Variants in SCAPER observed in about 807,000 individuals in gnomAD.
SCAPER encodes the protein S phase cyclin A-associated protein in the endoplasmic reticulum.
A neutral mutation model predicts 182.2 loss-of-function variants in SCAPER; 98 were observed. The ratio of observed to expected loss-of-function variants is 0.54; its 90% CI spans 0.46 to 0.64. The LOEUF (loss-of-function observed/expected upper bound fraction) is 0.64, where lower values mean the gene tolerates loss of function less well. Among genes scored for constraint, SCAPER ranks in the 30% least tolerant of loss-of-function variants. SCAPER has a pLI of 0.00. For missense variants in SCAPER, 1,432 were observed against 1,690.0 expected (o/e 0.85, Z 2.68); for synonymous variants, 605 against 564.6 (o/e 1.07, Z -1.01).
intron 17 of SCAPER, among the ~76,000 whole-genome samples, chr15:76,708,662 T>C (rs564858895): frequency 4.0e-5 from 6 of 151,814 alleles, no homozygotes; most frequent in Non-Finnish European, 7.4e-5. Flanking sequence ...AAACACAACA[T>C]AGAAATGCAA....
In SCAPER at chr15:76,594,809, C is replaced by T. The variant is rs1295374640; in HGVS notation, c.2712-20525G>A. Among the ~76,000 whole-genome samples the T allele has an allele frequency of 3.3e-5, 4 of 121,236 alleles. 1 individual carries two copies. The East Asian group carries it at 6.6e-4, about 20-fold the overall frequency. The allele number at this position is 121,236 out of a possible 152,430, so 79.5% of individuals were successfully genotyped here. A position where few individuals can be genotyped will look rare whatever the true frequency, so the allele number is the denominator to read the frequency against. ...TTTTGTCACCACCAGGCCTGCCTTA[C>T]AAGAGCTCCTGAAGGAAGAACTAAA... On this transcript the variant is annotated intron_variant, in intron 22 of 31. Transcript: ENST00000563290.
chr15:76,518,863 A>G (rs1331388838), intron 23 of SCAPER, among the ~76,000 whole-genome samples: 1 of 152,232 alleles, frequency 6.6e-6, no homozygotes, highest in Admixed American at 6.5e-5. Context: ...AACAGTGTGA[A>G]AACTTTTTTC....
chr15:76,590,614 T>C (rs1362675607), intron 22 of SCAPER, among the ~76,000 whole-genome samples: 5 of 152,198 alleles, frequency 3.3e-5, no homozygotes, highest in Non-Finnish European at 5.9e-5. Context: ...ACAACCTCTA[T>C]GGAAAACAGA....
At chr15:76,767,120 A>C in intron 10 of SCAPER, 32 bp from the exon 11 acceptor site, 1 of 1,519,656 alleles carries the variant, frequency 6.6e-7, no homozygotes, top group Non-Finnish European at 8.8e-7. Context: ...AACAAAAAGA[A>C]AAATGATCAC....
chr15:76,708,793 C>T (rs1217025087), intron 17 of SCAPER, among the ~76,000 whole-genome samples: 5 of 152,112 alleles, frequency 3.3e-5, no homozygotes, highest in Non-Finnish European at 4.4e-5. Context: ...AGGCTGGGCA[C>T]GATGACTCAC....
chr15:76,625,070 T>A (rs1260514900), intron 21 of SCAPER, among the ~76,000 whole-genome samples: 4 of 152,160 alleles, frequency 2.6e-5, no homozygotes, highest in Middle Eastern at 3.4e-3. Context: ...GAGAGAGTAC[T>A]CGGGTACCAA....
At position 76,726,156 on chromosome 15, in the gene SCAPER, A is replaced by ATATAAAT. The variant is rs56986282; in HGVS notation, c.2165+2438_2165+2439insATTTATA. 6.3e-5 allele frequency among the ~76,000 whole-genome samples: 5 copies of ATATAAAT among 79,724 alleles called. 1 individual carries two copies. Among genetic ancestry groups the ATATAAAT allele is most frequent in the African/African-American group, 2.6e-4 (5 of 19,308 alleles). 52.3% of individuals were successfully genotyped at this position (79,724 alleles called of 152,430 possible). ...ATATATATATATATATATATATATA[A>ATATAAAT]AAAACTCTATAACCCAACAAGAAAA... On this transcript the variant is annotated intron_variant, in intron 17 of 31. Transcript: ENST00000563290.
intron 24 of SCAPER, among the ~76,000 whole-genome samples, chr15:76,496,264 T>C (rs564503890): frequency 2.8e-4 from 42 of 152,104 alleles, no homozygotes; most frequent in Non-Finnish European, 5.1e-4. Flanking sequence ...CTATAGCCCA[T>C]TATGATCAAG....
rs148502932 is a variant in SCAPER, at chr15:76,707,371, T to C, written c.2166-1387A>G. On this transcript the variant is annotated intron_variant, in intron 17 of 31. Coordinates refer to ENST00000563290, the MANE Select transcript of SCAPER (RefSeq NM_020843.4). ...CAGATAGAAAAGCAAAACCCAACTA[T>C]ATACAGCCTACAAGAGACAGATCTG... Among the ~76,000 whole-genome samples the C allele has an allele frequency of 1.7e-4, 26 of 152,018 alleles. No homozygotes were observed. The East Asian group carries it at 3.5e-3, about 20-fold the overall frequency.
At chr15:76,809,850 C>T (rs1272990873) in intron 5 of SCAPER, among the ~76,000 whole-genome samples, 1 of 152,128 alleles carries the variant, frequency 6.6e-6, no homozygotes, top group Non-Finnish European at 1.5e-5. Context: ...CTTATGAAGA[C>T]AGTAAAACAA....
intron 8 of SCAPER, among the ~76,000 whole-genome samples, chr15:76,780,508 G>A (rs1354874788): frequency 6.6e-6 from 1 of 152,238 alleles, no homozygotes; most frequent in Non-Finnish European, 1.5e-5. Context: ...AGGTTTGACA[G>A]CTCTAAAGAG....
intron 22 of SCAPER, among the ~76,000 whole-genome samples, chr15:76,581,267 C>A (rs918957839): frequency 1.1e-4 from 17 of 152,130 alleles, no homozygotes; most frequent in African/African-American, 1.9e-4. Flanking sequence ...CTTACTCAAA[C>A]TATTCTAAAA....
intron 24 of SCAPER, among the ~76,000 whole-genome samples, chr15:76,485,932 G>A (rs1180636669): frequency 6.6e-6 from 1 of 152,118 alleles, no homozygotes; most frequent in African/African-American, 2.4e-5. Flanking sequence ...TATCGGCTGG[G>A]TGCAGTGGCT....
At chr15:76,832,719 C>T (rs543595595) in intron 5 of SCAPER, among the ~76,000 whole-genome samples, 2 of 152,112 alleles carry the variant, frequency 1.3e-5, no homozygotes, top group Non-Finnish European at 2.9e-5. Context: ...AGAGTTCTCA[C>T]GAGATCTGGT....
chr15:76,582,101 T>C (rs193147382), intron 22 of SCAPER, among the ~76,000 whole-genome samples: 3 of 152,120 alleles, frequency 2.0e-5, no homozygotes, highest in African/African-American at 7.2e-5. Flanking sequence ...CTGGAAGTCC[T>C]ACCTAGACCA....
At chr15:76,612,605 T>C (rs1057148327) in intron 22 of SCAPER, among the ~76,000 whole-genome samples, 2 of 152,044 alleles carry the variant, frequency 1.3e-5, no homozygotes, top group African/African-American at 4.8e-5. Context: ...TGTGCAAAAA[T>C]CACTGGCATT....
intron 23 of SCAPER, among the ~76,000 whole-genome samples, chr15:76,564,665 A>T (rs12915722): frequency 0.032 from 4,877 of 152,108 alleles, 118 homozygotes; most frequent in Non-Finnish European, 0.048. Context: ...AAAAAGAAAA[A>T]TTTTTTTTAA....
intron 23 of SCAPER, among the ~76,000 whole-genome samples, chr15:76,558,851 T>C (rs559750124): frequency 1.3e-5 from 2 of 152,224 alleles, no homozygotes; most frequent in South Asian, 4.1e-4. Context: ...CATGGAATAT[T>C]AGCCATAAAA....
chr15:76,422,433 A>C (rs1302874254), intron 26 of SCAPER, among the ~76,000 whole-genome samples: 1 of 152,022 alleles, frequency 6.6e-6, no homozygotes, highest in African/African-American at 2.4e-5. Context: ...CTGTTACTGG[A>C]GTATAAGAAT....
Sources: allele counts gnomAD v4.1 joint callset (sites outside exome capture counted in the v4.1 genomes callset), GRCh38; gene constraint gnomAD v4.1.1; transcripts MANE v1.5; gene names NCBI Gene and HGNC (gene_info 2026-07-23, HGNC 2026-07-21).